CACHD1: variants seen among roughly 807,000 people sequenced by gnomAD.
CACHD1 encodes VWFA and cache domain-containing protein 1.
Under a neutral mutation model 138.7 loss-of-function variants are expected in CACHD1, and 71 were observed. The observed-to-expected ratio is 0.51, with a 90% CI of 0.42 to 0.62. CACHD1 has a LOEUF of 0.62. CACHD1 is among the 20% of genes least tolerant of loss of function. The pLI is 0.00. For missense variants in CACHD1, 1,389 were observed against 1,625.3 expected, an observed-to-expected ratio of 0.85 and a Z score of 2.50; for synonymous variants, 578 against 591.5, an observed-to-expected ratio of 0.98 and a Z score of 0.33.
At chr1:64,675,369 C>T (rs1400152729) in intron 19 of CACHD1, 32 bp from the exon 20 acceptor site, 3 of 1,525,090 alleles carry the variant, frequency 2.0e-6, no homozygotes, top group East Asian at 2.3e-5. Flanking sequence ...GCATTGCTGT[C>T]TGTCATTTCT....
At chr1:64,479,503 A>G (rs1646196653) in intron 1 of CACHD1, among the ~76,000 whole-genome samples, 1 of 152,188 alleles carries the variant, frequency 6.6e-6, no homozygotes, top group Non-Finnish European at 1.5e-5. Context: ...AGATGGCATT[A>G]TGGTTTTGGA....
intron 1 of CACHD1, among the ~76,000 whole-genome samples, chr1:64,522,296 C>T (rs923922851): frequency 1.5e-5 from 2 of 132,864 alleles, no homozygotes; most frequent in Admixed American, 8.8e-5. Flanking sequence ...TTCTTTTCCT[C>T]TCAACCCCCA....
intron 1 of CACHD1, among the ~76,000 whole-genome samples, chr1:64,490,370 G>C (rs1646268272): frequency 1.3e-5 from 1 of 76,030 alleles, no homozygotes; most frequent in African/African-American, 2.7e-5. Context: ...AAACATTCAT[G>C]CACCTCTAGG....
intron 26 of CACHD1, among the ~76,000 whole-genome samples, chr1:64,687,455 G>A (rs1164240235): frequency 6.6e-6 from 1 of 152,196 alleles, no homozygotes; most frequent in Non-Finnish European, 1.5e-5. Flanking sequence ...CTTAGTATGA[G>A]AGTTTTACTC....
At chr1:64,517,900 A>T (rs1227650051) in intron 1 of CACHD1, among the ~76,000 whole-genome samples, 1 of 152,162 alleles carries the variant, frequency 6.6e-6, no homozygotes, top group African/African-American at 2.4e-5. Flanking sequence ...TGAACTTGGC[A>T]GTCCTGTGGC....
chr1:64,501,724 T>C (rs4915979), intron 1 of CACHD1, among the ~76,000 whole-genome samples: 104,893 of 152,142 alleles, frequency 0.69, 40,478 homozygotes, highest in Non-Finnish European at 0.84. Flanking sequence ...CTGCAAGGTG[T>C]AGAAGGATGG....
At chr1:64,677,741 G>A (rs1415278573) in intron 22 of CACHD1, among the ~76,000 whole-genome samples, 2 of 152,200 alleles carry the variant, frequency 1.3e-5, no homozygotes, top group African/African-American at 4.8e-5. Context: ...GAAATTGGCA[G>A]TGAGGAAACC....
intron 1 of CACHD1, among the ~76,000 whole-genome samples, chr1:64,543,395 A>T (rs1269447120): frequency 1.1e-5 from 1 of 90,290 alleles, no homozygotes; most frequent in Non-Finnish European, 2.2e-5. Context: ...ATCTCTAAAA[A>T]AAAATACATA....
At chr1:64,491,565 C>T (rs779334102) in intron 1 of CACHD1, among the ~76,000 whole-genome samples, 4 of 152,064 alleles carry the variant, frequency 2.6e-5, no homozygotes, top group African/African-American at 7.2e-5. Flanking sequence ...GGGGGAAATC[C>T]ACCCCCATGA....
At chr1:64,667,591 A>G (rs900096559) in intron 16 of CACHD1, among the ~76,000 whole-genome samples, 2 of 152,190 alleles carry the variant, frequency 1.3e-5, no homozygotes, top group Non-Finnish European at 2.9e-5. Context: ...GCACACTCCT[A>G]CTGATGTCTA....
chr1:64,496,546 T>C (rs1263969248), intron 1 of CACHD1, among the ~76,000 whole-genome samples: 1 of 152,172 alleles, frequency 6.6e-6, no homozygotes, highest in Middle Eastern at 3.2e-3. Flanking sequence ...TTGTAGCCAA[T>C]GGCATCCCAC....
intron 2 of CACHD1, among the ~76,000 whole-genome samples, chr1:64,571,936 C>T (rs1044922695): frequency 6.6e-6 from 1 of 152,140 alleles, no homozygotes; most frequent in African/African-American, 2.4e-5. Context: ...CATTGTCTAG[C>T]GGCCTCCCTT....
chr1:64,530,282 G>A (rs1174704231), intron 1 of CACHD1, among the ~76,000 whole-genome samples: 1 of 152,052 alleles, frequency 6.6e-6, no homozygotes. Flanking sequence ...TGGTTCTATC[G>A]CCTTATTCCC....
chr1:64,523,406 A>G (rs1646512766), intron 1 of CACHD1, among the ~76,000 whole-genome samples: 1 of 152,206 alleles, frequency 6.6e-6, no homozygotes, highest in African/African-American at 2.4e-5. Flanking sequence ...GCATTGAGGC[A>G]TTTGAGTGGC....
At position 64,596,111 on chromosome 1, in the gene CACHD1, G is replaced by C. The variant is rs773540346; in HGVS notation, c.411-6695G>C. Among the ~76,000 whole-genome samples, 6 of 152,128 alleles carry C rather than the reference G, an allele frequency of 3.9e-5. No homozygotes were observed. The South Asian group carries it at 8.3e-4, about 21-fold the overall frequency. On this transcript the variant is annotated intron_variant, in intron 3 of 26. Transcript: ENST00000651257. ...GTTTGAATAAGTAAACTCAGTCGAG[G>C]GGGGGGTTGAGTATTATTTACTTTA... is the stretch of plus-strand genomic sequence containing the variant.
chr1:64,541,006 G>A lies in CACHD1; in HGVS notation c.199-9588G>A, dbSNP rs112105666. On this transcript the variant is annotated intron_variant, in intron 1 of 26. Transcript: ENST00000651257. ...TGTGTGTGTGTGTGTGTGCACGCCC[G>A]CACGTGCACACGCACATACGAATAC... Among the ~76,000 whole-genome samples, 929 of 152,280 alleles carry A rather than the reference G, an allele frequency of 6.1e-3. 7 individuals are homozygous for A. The highest frequency in any genetic ancestry group is 0.01 in the Non-Finnish European group (708 of 68,020).
intron 2 of CACHD1, among the ~76,000 whole-genome samples, chr1:64,571,677 T>C (rs1444381655): frequency 6.6e-6 from 1 of 152,182 alleles, no homozygotes; most frequent in Admixed American, 6.5e-5. Context: ...TTGATCGATA[T>C]TCTCTCAAAG....
chr1:64,640,962 G>A (rs914942679), intron 7 of CACHD1, among the ~76,000 whole-genome samples: 1 of 151,530 alleles, frequency 6.6e-6, no homozygotes, highest in Admixed American at 6.6e-5. Flanking sequence ...ATTCTACCTC[G>A]CAGCCCTATT....
At position 64,560,693 on chromosome 1, in the gene CACHD1, A is replaced by G. The variant is rs551124456; in HGVS notation, c.261+10037A>G. Among the ~76,000 whole-genome samples, 49 of 152,160 alleles carry G rather than the reference A, an allele frequency of 3.2e-4. No homozygotes were observed. The South Asian group carries it at 4.8e-3, about 15-fold the overall frequency. ...GTTCTGCAGTTTTTAGGTGTTCTTT[A>G]TGTATTAAGGTGGTTGATAATGTTG... On this transcript the variant is annotated intron_variant, in intron 2 of 26. Transcript: ENST00000651257.
Sources: allele counts gnomAD v4.1 joint callset (sites outside exome capture counted in the v4.1 genomes callset), GRCh38; gene constraint gnomAD v4.1.1; transcripts MANE v1.5; gene names NCBI Gene and HGNC (gene_info 2026-07-23, HGNC 2026-07-21).